Variants in PCDHA7 observed in about 807,000 individuals in gnomAD.
PCDHA7 encodes the protein protocadherin alpha 7, also known as protocadherin alpha-7.
Under a neutral mutation model 57.2 loss-of-function variants are expected in PCDHA7, and 37 were observed. The observed-to-expected ratio is 0.65, with a 90% confidence interval of 0.50 to 0.85. The LOEUF is 0.85. PCDHA7 is among the 40% of genes least tolerant of loss of function. PCDHA7 has a pLI of 0.00. For missense variants in PCDHA7, 1,188 were observed against 1,241.8 expected (o/e 0.96, Z 0.65); for synonymous variants, 553 against 558.8 (o/e 0.99, Z 0.15).
chr5:140,883,782 C>T (rs1434451644), intron 1 of PCDHA7: 1 of 1,612,468 alleles, frequency 6.2e-7, no homozygotes, highest in African/African-American at 1.3e-5. Flanking sequence ...CGTGCGCTGT[C>T]GAGCTACGTG....
At chr5:140,980,149 A>G (rs1287895980) in intron 2 of PCDHA7, among the ~76,000 whole-genome samples, 1 of 152,184 alleles carries the variant, frequency 6.6e-6, no homozygotes, top group East Asian at 1.9e-4. Flanking sequence ...ATTCATGCAT[A>G]TACCAGAATA....
rs2150249713 is a variant in PCDHA7 at position 140,835,991 on chromosome 5, C to A, written c.1608C>A (p.Ser536Arg). Residue 536 changes from serine (S) to arginine (R), a missense_variant, in exon 1 of 4, where the codon AGC becomes AGA. Ser to Arg is a moderately radical substitution (Grantham distance 110, BLOSUM62 -1). Coordinates refer to ENST00000525929, the MANE Select transcript of PCDHA7 (RefSeq NM_018910.3). ...TGGAGCTGTTGCAGTTCCAGGTGAG[C>A]GCGCGCGATGCGGGCGTGCCGCCTC... ...EELELLQFQV[S>R]ARDAGVPPLG... 4.3e-5 allele frequency: 70 copies of A among 1,613,150 alleles called. No individual in the cohort carries two copies. The highest frequency in any genetic ancestry group is 1.7e-4 in the Middle Eastern group (1 of 5,994).
At chr5:140,872,606 AT>A (rs1302987061) in intron 1 of PCDHA7, among the ~76,000 whole-genome samples, 2 of 151,888 alleles carry the variant, frequency 1.3e-5, no homozygotes, top group African/African-American at 2.4e-5. Flanking sequence ...TGAAAAAATA[AT>A]TTTTTTTGCC....
At position 140,835,303 on chromosome 5, in the gene PCDHA7, A is replaced by C. The variant is rs1773561799; in HGVS notation, c.920A>C (p.His307Pro). ...AGTGGGGCAATCACAGTGATAGGAC[A>C]TATGGATTTTGAAGAAAGTAGAGCA... is the stretch of plus-strand genomic sequence containing the variant. ...PLSGAITVIGHMDFEESRAHK... is the reference protein window; with the variant it reads ...PLSGAITVIGPMDFEESRAHK... The change falls in exon 1 of 4, where the codon CAT becomes CCT. Residue 307 changes from histidine (H) to proline (P), a missense_variant. By Grantham distance (77) the His-to-Pro change is moderately conservative. Around this residue, in one of 3 missense-constraint regions of PCDHA7, gnomAD observed 102 missense variants for 267.4 expected, o/e 0.38. Transcript: ENST00000525929. The C allele has an allele frequency of 6.2e-7, 1 of 1,612,938 alleles. No individual in the cohort carries two copies. Among genetic ancestry groups the C allele is most frequent in the African/African-American group, 1.3e-5 (1 of 74,642 alleles).
At chr5:140,918,027 G>C (rs782291548) in intron 1 of PCDHA7, among the ~76,000 whole-genome samples, 2 of 152,108 alleles carry the variant, frequency 1.3e-5, no homozygotes, top group East Asian at 3.8e-4. Context: ...ACCCATGAGC[G>C]TGGAAGGTCT....
In PCDHA7 at chr5:140,848,545, C is replaced by T. The variant is rs2150412582; in HGVS notation, c.2355+11807C>T. On this transcript the variant is annotated intron_variant, in intron 1 of 3. Transcript: ENST00000525929. ...CCAGAGGGTCAGCCTCTACTGCTCT[C>T]GCTTCTGATCCTCGCAATGTGGGTG... is the stretch of plus-strand genomic sequence containing the variant. The T allele has an allele frequency of 7.5e-6, 12 of 1,595,324 alleles. No homozygotes were observed. In the South Asian group the frequency reaches 1.1e-4, roughly 15 times the overall value.
intron 1 of PCDHA7, chr5:140,876,199 G>A (rs1343468592): frequency 6.2e-7 from 1 of 1,613,822 alleles, no homozygotes; most frequent in African/African-American, 1.3e-5. Context: ...TCCGGCGTTT[G>A]ATAAGCCCAG....
At chr5:140,920,131 T>G (rs1207723509) in intron 1 of PCDHA7, among the ~76,000 whole-genome samples, 1 of 152,202 alleles carries the variant, frequency 6.6e-6, no homozygotes, top group Non-Finnish European at 1.5e-5. Context: ...TGAGTTTTAA[T>G]TCTCCTCTCC....
intron 3 of PCDHA7, among the ~76,000 whole-genome samples, chr5:141,004,566 T>C (rs2098171206): frequency 6.6e-6 from 1 of 152,186 alleles, no homozygotes; most frequent in Non-Finnish European, 1.5e-5. Context: ...GATGAACATA[T>C]CTCTGTGTTC....
chr5:140,900,518 C>G (rs1444768233), intron 1 of PCDHA7, among the ~76,000 whole-genome samples: 1 of 152,228 alleles, frequency 6.6e-6, no homozygotes, highest in Admixed American at 6.5e-5. Flanking sequence ...CTCAGGTGAT[C>G]TGCCCACCTC....
rs1554213778 is a variant in PCDHA7, at chr5:140,941,190, T to TC, written c.2356-37759_2356-37758insC. ...CCATCTTGAACATCCTGCTTCTTTT[T>TC]TTTTCTTTCTTCCTTTCTTTCTTCC... On this transcript the variant is annotated intron_variant, in intron 1 of 3. Coordinates refer to ENST00000525929, the MANE Select transcript of PCDHA7 (RefSeq NM_018910.3). Among the ~76,000 whole-genome samples, 446 of 129,506 alleles carry TC rather than the reference T, an allele frequency of 3.4e-3. 3 individuals are homozygous for TC. Among genetic ancestry groups the TC allele is most frequent in the South Asian group, 0.026 (101 of 3,954 alleles). The allele number at this position is 129,506 out of a possible 152,430, so 85.0% of individuals were successfully genotyped here.
chr5:140,899,752 A>G lies in PCDHA7; in HGVS notation c.2355+63014A>G, dbSNP rs190521600. On this transcript the variant is annotated intron_variant, in intron 1 of 3. Transcript: ENST00000525929. ...ATTGATTGGAATAGTTTCAGAAGGA[A>G]TGGTACCAGTTCCTCCTTTTACCTC... Among the ~76,000 whole-genome samples the G allele has an allele frequency of 4.0e-4, 61 of 152,320 alleles. No homozygotes were observed. The East Asian group carries it at 8.7e-3, about 22-fold the overall frequency.
chr5:140,839,720 A>G (rs1398284509), intron 1 of PCDHA7, among the ~76,000 whole-genome samples: 1 of 152,072 alleles, frequency 6.6e-6, no homozygotes, highest in Admixed American at 6.6e-5. Context: ...AATTTAAATC[A>G]TTTCACAGAA....
chr5:140,857,951 G>T (rs569786768), intron 1 of PCDHA7: 15 of 1,597,274 alleles, frequency 9.4e-6, no homozygotes, highest in East Asian at 2.2e-5. Flanking sequence ...TACGACGCGC[G>T]CTCTGGATGA....
chr5:140,876,870 G>A (rs1278762768), intron 1 of PCDHA7: 2 of 1,614,000 alleles, frequency 1.2e-6, no homozygotes, highest in Non-Finnish European at 1.7e-6. Flanking sequence ...TCGTGAAGGA[G>A]AACAACCCGC....
intron 1 of PCDHA7, chr5:140,929,130 A>C (rs1554206719): frequency 1.2e-6 from 2 of 1,614,168 alleles, no homozygotes; most frequent in Non-Finnish European, 1.7e-6. Flanking sequence ...ATGTCACTAC[A>C]GTTGAGAGAC....
chr5:141,001,849 T>C (rs889682000), intron 3 of PCDHA7, among the ~76,000 whole-genome samples: 5 of 151,704 alleles, frequency 3.3e-5, no homozygotes, highest in African/African-American at 7.3e-5. Context: ...GAGAGAGAGG[T>C]TGATTAAATT....
intron 1 of PCDHA7, among the ~76,000 whole-genome samples, chr5:140,944,779 T>C (rs1022054674): frequency 6.6e-6 from 1 of 152,228 alleles, no homozygotes; most frequent in African/African-American, 2.4e-5. Flanking sequence ...CCTCCTGTTA[T>C]TGTATTTTAC....
rs1266986197 is a variant in PCDHA7 at position 140,835,776 on chromosome 5, AAGG to A, written c.1396_1398del (p.Glu466del). ...GCAGCCCGAGTATACGGTGTTCGTG[AAGG>A]AGAACAACCCGCCGGGCTGCCACAT... On this transcript the variant is annotated inframe_deletion, in exon 1 of 4. Transcript: ENST00000525929. The A allele has an allele frequency of 1.2e-6, 2 of 1,613,090 alleles. No homozygotes were observed. Among genetic ancestry groups the A allele is most frequent in the South Asian group, 1.1e-5 (1 of 91,034 alleles).
Sources: gnomAD v4.1 joint callset for allele counts (sites outside exome capture counted in the v4.1 genomes callset) on GRCh38, gnomAD v4.1.1 for gene constraint, gnomAD v4.1.1 regional missense constraint, MANE v1.5 for transcripts, NCBI Gene and HGNC (gene_info 2026-07-23, HGNC 2026-07-21) for gene names.